The following CCDC169 variants were observed in gnomAD, a reference collection of about 807,000 sequenced individuals.
CCDC169 encodes coiled-coil domain containing 169.
CCDC169 carries 30 observed loss-of-function variants against 36.0 expected under a neutral mutation model. The observed-to-expected ratio is 0.83, with a 90% CI of 0.62 to 1.13. CCDC169 has a LOEUF of 1.13. CCDC169 is among the 50% of genes most tolerant of loss of function. The pLI, the probability that CCDC169 is intolerant of heterozygous loss-of-function variation, is 0.00. For synonymous variants in CCDC169, 85 were observed against 81.5 expected, an observed-to-expected ratio of 1.04 and a Z score of -0.23; for missense variants, 245 against 245.9, an observed-to-expected ratio of 1.00 and a Z score of 0.03.
chr13:36,247,468 C>T (rs144978033), intron 7 of CCDC169, among the ~76,000 whole-genome samples: 166 of 152,160 alleles, frequency 1.1e-3, no homozygotes, highest in Non-Finnish European at 2.2e-3. Flanking sequence ...CCACTAAGAA[C>T]ATTTGTGATT....
At chr13:36,289,724 T>A (rs9547082) in intron 2 of CCDC169, among the ~76,000 whole-genome samples, 52,415 of 152,110 alleles carry the variant, frequency 0.34, 9,728 homozygotes, top group Non-Finnish European at 0.42. Context: ...AACTGAGACC[T>A]AAAAGGCTGA....
At chr13:36,277,449 G>A (rs928734680) in intron 4 of CCDC169, among the ~76,000 whole-genome samples, 1 of 152,100 alleles carries the variant, frequency 6.6e-6, no homozygotes, top group African/African-American at 2.4e-5. Flanking sequence ...TGCACATCCT[G>A]CACATGTACC....
chr13:36,264,410 A>C (rs956449683), intron 4 of CCDC169, among the ~76,000 whole-genome samples: 3 of 152,154 alleles, frequency 2.0e-5, no homozygotes, highest in African/African-American at 7.2e-5. Context: ...CAGCTGAAGC[A>C]AAATATTTGA....
rs1050077247 is a variant in CCDC169 at position 36,248,669 on chromosome 13, T to A, written c.482A>T (p.His161Leu). ...LAEMSQGSGL[H>L]QVSKRQQVDQ... ...CACCTGTTGCCTTTTAGAAACTTGATGTAAACCAGAACCCTGAAATACAAA... is the reference window on the plus strand; with the variant it reads ...CACCTGTTGCCTTTTAGAAACTTGAAGTAAACCAGAACCCTGAAATACAAA... Residue 161 changes from histidine to leucine, a missense_variant, in exon 7 of 8, where the codon CAT (histidine) becomes CTT (leucine). Physicochemically the swap from His to Leu is moderately conservative, Grantham distance 99 (BLOSUM62 -3). Coordinates refer to ENST00000239859, the MANE Select transcript of CCDC169 (RefSeq NM_001144981.3). The A allele has an allele frequency of 2.6e-6, 4 of 1,550,354 alleles. No homozygotes were observed. In the African/African-American group the frequency reaches 5.5e-5, roughly 21 times the overall value.
Position 36,295,875 on chromosome 13 carries a change from T to G in CCDC169, c.84-18A>C, listed in dbSNP as rs1052715390. 4.2e-6 allele frequency: 6 copies of G among 1,417,668 alleles called. No homozygotes were observed. The Admixed American group carries it at 8.5e-5, about 20-fold the overall frequency. The allele number at this position is 1,417,668 out of a possible 1,614,324, so 87.8% of individuals were successfully genotyped here. Reference sequence around the variant, plus strand: ...CTGCATCCCTGTTATTTAAAATATTTTTGTTGATTATAATTCAATTAAAAA... The same window carrying G: ...CTGCATCCCTGTTATTTAAAATATTGTTGTTGATTATAATTCAATTAAAAA... On this transcript the variant is annotated intron_variant, in intron 1 of 7. Coordinates refer to ENST00000239859, the MANE Select transcript of CCDC169 (RefSeq NM_001144981.3).
intron 7 of CCDC169, among the ~76,000 whole-genome samples, chr13:36,247,671 A>C (rs1460458141): frequency 6.6e-6 from 1 of 152,184 alleles, no homozygotes; most frequent in Non-Finnish European, 1.5e-5. Flanking sequence ...TCATGATAAA[A>C]TTTGAATGGA....
chr13:36,245,328 C>T (rs1291066888), intron 7 of CCDC169, among the ~76,000 whole-genome samples: 1 of 151,834 alleles, frequency 6.6e-6, no homozygotes, highest in Non-Finnish European at 1.5e-5. Context: ...GAGACAGTGT[C>T]TTGCTCTGCT....
At chr13:36,245,302 GT>G (rs569233513) in intron 7 of CCDC169, among the ~76,000 whole-genome samples, 11 of 148,802 alleles carry the variant, frequency 7.4e-5, no homozygotes, top group Middle Eastern at 3.6e-3. Context: ...CTGTGTTTTT[GT>G]TTTTTTTTTC....
Position 36,254,099 on chromosome 13 carries a change from CTT to C in CCDC169, c.358_359del (p.Lys120AspfsTer3), listed in dbSNP as rs1555251225. On this transcript the variant is annotated frameshift_variant, in exon 5 of 8. Transcript: ENST00000239859. LOFTEE classifies it high-confidence loss of function. Reference sequence around the variant, plus strand: ...AGTATTTCACTTGACTTTCAAGAGTCTTCTTTTCTTCTTCTAGCTGTTTAAGT... The same window carrying C: ...AGTATTTCACTTGACTTTCAAGAGTCCTTTTCTTCTTCTAGCTGTTTAAGT... ...TLLKQLEEEK[K>X]TLESQVKYYA... 7.8e-6 allele frequency: 12 copies of C among 1,547,332 alleles called. No individual in the cohort carries two copies. Among genetic ancestry groups the C allele is most frequent in the Non-Finnish European group, 1.7e-6 (2 of 1,145,726 alleles).
intron 2 of CCDC169, among the ~76,000 whole-genome samples, chr13:36,291,376 A>T (rs1878875447): frequency 6.6e-6 from 1 of 152,192 alleles, no homozygotes; most frequent in Non-Finnish European, 1.5e-5. Context: ...TTATGCCTTT[A>T]TAGTTATAGT....
At chr13:36,247,471 T>G (rs920667603) in intron 7 of CCDC169, among the ~76,000 whole-genome samples, 2 of 152,006 alleles carry the variant, frequency 1.3e-5, no homozygotes, top group Non-Finnish European at 2.9e-5. Context: ...CTAAGAACAT[T>G]TGTGATTTAT....
intron 5 of CCDC169, 66 bp downstream of exon 5, chr13:36,253,979 T>A: frequency 2.0e-6 from 3 of 1,533,198 alleles, no homozygotes; most frequent in East Asian, 4.9e-5. Context: ...ATAGAGTAGG[T>A]TTGTAGATAA....
At chr13:36,236,563 A>T (rs1041739560) in intron 7 of CCDC169, among the ~76,000 whole-genome samples, 1 of 152,100 alleles carries the variant, frequency 6.6e-6, no homozygotes, top group Non-Finnish European at 1.5e-5. Flanking sequence ...TTAGGCAATG[A>T]CTTCTTATGT....
chr13:36,254,940 G>T (rs1287806326), intron 4 of CCDC169, among the ~76,000 whole-genome samples: 1 of 152,120 alleles, frequency 6.6e-6, no homozygotes, highest in East Asian at 1.9e-4. Flanking sequence ...GGGGGCCCTG[G>T]CACTTCCAGG....
chr13:36,294,899 A>G (rs9547131), intron 2 of CCDC169, among the ~76,000 whole-genome samples: 36,417 of 152,048 alleles, frequency 0.24, 4,823 homozygotes, highest in East Asian at 0.49. Flanking sequence ...TTGGGGGTCA[A>G]TCTTTAACTA....
intron 4 of CCDC169, among the ~76,000 whole-genome samples, chr13:36,254,392 C>T (rs1010332826): frequency 6.6e-6 from 1 of 151,606 alleles, no homozygotes; most frequent in African/African-American, 2.4e-5. Context: ...TCCCCTGCCT[C>T]AGGCTCCCAA....
intron 2 of CCDC169, among the ~76,000 whole-genome samples, chr13:36,285,894 C>T (rs1266655519): frequency 1.3e-5 from 2 of 152,224 alleles, no homozygotes; most frequent in Non-Finnish European, 2.9e-5. Flanking sequence ...CCTGCCTTTT[C>T]CCTAGAAATT....
intron 2 of CCDC169, among the ~76,000 whole-genome samples, chr13:36,288,015 AT>A (rs1000989131): frequency 2.4e-4 from 36 of 148,692 alleles, no homozygotes; most frequent in African/African-American, 5.2e-4. Flanking sequence ...TTTATTTTTA[AT>A]TTTTTTTTTT....
intron 4 of CCDC169, chr13:36,280,775 T>C (rs10467364): frequency 0.34 from 52,385 of 152,142 alleles, 9,710 homozygotes; most frequent in Non-Finnish European, 0.42. Flanking sequence ...TAATATCAGC[T>C]GAATACATGT....
Sources: allele counts gnomAD v4.1 joint callset (sites outside exome capture counted in the v4.1 genomes callset), GRCh38; gene constraint gnomAD v4.1.1; transcripts MANE v1.5; gene names NCBI Gene and HGNC (gene_info 2026-07-23, HGNC 2026-07-21).